STK3: variants seen among roughly 807,000 people sequenced by gnomAD.
STK3 encodes serine/threonine kinase 3, also known as serine/threonine-protein kinase 3.
STK3 carries 41 observed loss-of-function variants against 58.0 expected under a neutral mutation model. The ratio of observed to expected loss-of-function variants is 0.71; its 90% CI spans 0.55 to 0.92. STK3 has a LOEUF of 0.92. STK3 is among the 40% of genes least tolerant of loss of function. The pLI, the probability that STK3 is intolerant of heterozygous loss-of-function variation, is 0.00. For synonymous variants in STK3, 170 were observed against 191.0 expected, an observed-to-expected ratio of 0.89 and a Z score of 0.91; for missense variants, 479 against 602.7, an observed-to-expected ratio of 0.79 and a Z score of 2.15.
intron 10 of STK3, among the ~76,000 whole-genome samples, chr8:98,460,176 C>T (rs973552976): frequency 1.3e-5 from 2 of 152,222 alleles, no homozygotes; most frequent in African/African-American, 4.8e-5. Flanking sequence ...GGGAGCCCAC[C>T]TCTTGCATCA....
At chr8:98,854,511 A>G (rs1836597217) in intron 3 of STK3, among the ~76,000 whole-genome samples, 1 of 152,188 alleles carries the variant, frequency 6.6e-6, no homozygotes, top group Non-Finnish European at 1.5e-5. Flanking sequence ...AATTACAGTT[A>G]ACAAATGAAT....
intron 3 of STK3, among the ~76,000 whole-genome samples, chr8:98,408,721 C>T (rs1026816876): frequency 1.3e-5 from 2 of 152,242 alleles, no homozygotes; most frequent in Non-Finnish European, 2.9e-5. Context: ...TGGCTGGCAG[C>T]GCTCCTGCTG....
chr8:98,446,080 G>T (rs1362734478), intron 1 of STK3, among the ~76,000 whole-genome samples: 1 of 152,204 alleles, frequency 6.6e-6, no homozygotes, highest in East Asian at 1.9e-4. Flanking sequence ...GACACCGAAA[G>T]GTATGCTAGA....
intron 1 of STK3, among the ~76,000 whole-genome samples, chr8:98,917,864 A>T (rs1213261335): frequency 6.6e-5 from 10 of 152,134 alleles, no homozygotes; most frequent in Non-Finnish European, 1.2e-4. Flanking sequence ...GGGTGCCAAG[A>T]CTTCGAAGCC....
chr8:98,865,109 G>T (rs1405588587), intron 3 of STK3, among the ~76,000 whole-genome samples: 1 of 152,152 alleles, frequency 6.6e-6, no homozygotes, highest in Non-Finnish European at 1.5e-5. Flanking sequence ...TAGAAGAAGA[G>T]GCCAGGCGTG....
At chr8:98,786,649 G>A (rs575126695) in intron 1 of STK3, among the ~76,000 whole-genome samples, 2 of 152,114 alleles carry the variant, frequency 1.3e-5, no homozygotes, top group Non-Finnish European at 2.9e-5. Context: ...TATGTAAAGC[G>A]ATCAAACCTA....
chr8:98,504,333 C>T lies in STK3; in HGVS notation c.1317+22409G>A, dbSNP rs555858091. ...AATACAGCACATTGATGGGTCTTGA[C>T]GCTTTATCCAATTTGCTAGTCTGTG... is the stretch of plus-strand genomic sequence containing the variant. On this transcript the variant is annotated intron_variant, in intron 10 of 10. Transcript: ENST00000419617. 1.6e-3 allele frequency among the ~76,000 whole-genome samples: 238 copies of T among 152,254 alleles called. 1 individual carries two copies. Among genetic ancestry groups the T allele is most frequent in the African/African-American group, 2.5e-3 (105 of 41,530 alleles).
At chr8:98,645,102 G>A (rs1247672240) in intron 6 of STK3, among the ~76,000 whole-genome samples, 2 of 152,084 alleles carry the variant, frequency 1.3e-5, no homozygotes, top group African/African-American at 2.4e-5. Context: ...CAAAGATTTG[G>A]GAGTTCATAA....
intron 3 of STK3, among the ~76,000 whole-genome samples, chr8:98,752,074 C>T (rs764992849): frequency 9.2e-5 from 14 of 151,990 alleles, no homozygotes; most frequent in East Asian, 1.9e-4. Flanking sequence ...ATTTGAGATT[C>T]GGCACAGAAC....
chr8:98,751,805 T>G (rs1449669854), intron 3 of STK3, among the ~76,000 whole-genome samples: 1 of 152,070 alleles, frequency 6.6e-6, no homozygotes, highest in Admixed American at 6.5e-5. Context: ...CTGGGCATGG[T>G]GGCGCATGCC....
intron 10 of STK3, among the ~76,000 whole-genome samples, chr8:98,525,836 T>C (rs1825703309): frequency 6.6e-6 from 1 of 151,942 alleles, no homozygotes; most frequent in Non-Finnish European, 1.5e-5. Context: ...GCATTTAGAG[T>C]CATGTTGTCT....
chr8:98,750,610 T>C (rs569946934), intron 3 of STK3, among the ~76,000 whole-genome samples: 4 of 150,536 alleles, frequency 2.7e-5, no homozygotes, highest in African/African-American at 9.8e-5. Flanking sequence ...ATAAACAGCC[T>C]ACCATCCAAA....
At chr8:98,932,575 T>C (rs1840039299) in intron 1 of STK3, among the ~76,000 whole-genome samples, 1 of 152,218 alleles carries the variant, frequency 6.6e-6, no homozygotes, top group Non-Finnish European at 1.5e-5. Flanking sequence ...TAAAAGGGCT[T>C]TAAGGAAATT....
chr8:98,639,659 G>C (rs964504027), intron 6 of STK3, among the ~76,000 whole-genome samples: 1 of 152,144 alleles, frequency 6.6e-6, no homozygotes, highest in African/African-American at 2.4e-5. Context: ...AAAACCAAAG[G>C]CATATAGTAA....
At chr8:98,749,041 CTG>C (rs1239630472) in intron 4 of STK3, among the ~76,000 whole-genome samples, 3 of 151,930 alleles carry the variant, frequency 2.0e-5, no homozygotes, top group Admixed American at 6.6e-5. Context: ...GGTAGTTTCT[CTG>C]TGACACACCA....
rs532712869 is a variant in STK3 at position 98,799,095 on chromosome 8, T to A, written c.27-24276A>T. 3.3e-5 allele frequency among the ~76,000 whole-genome samples: 5 copies of A among 152,324 alleles called. No homozygotes were observed. In the East Asian group the frequency reaches 9.6e-4, roughly 29 times the overall value. On this transcript the variant is annotated intron_variant, in intron 1 of 10. Transcript: ENST00000419617. ...AAATTACCCAGTCTATGGCATTTTG[T>A]TACAGCAGCACAAACAGACTTAAGA...
chr8:98,865,513 T>C (rs534509290), intron 3 of STK3, among the ~76,000 whole-genome samples: 1 of 152,228 alleles, frequency 6.6e-6, no homozygotes, highest in South Asian at 2.1e-4. Context: ...ACTACAGGTG[T>C]TCACCACCAC....
intron 10 of STK3, among the ~76,000 whole-genome samples, chr8:98,500,554 G>A (rs901505768): frequency 4.0e-5 from 6 of 150,770 alleles, no homozygotes; most frequent in Non-Finnish European, 7.4e-5. Flanking sequence ...GATGTTCCCC[G>A]CCCTGTGTCC....
intron 1 of STK3, among the ~76,000 whole-genome samples, chr8:98,933,798 C>T (rs77007501): frequency 6.6e-6 from 1 of 152,156 alleles, no homozygotes; most frequent in Non-Finnish European, 1.5e-5. Flanking sequence ...TTCCTGCCAC[C>T]CTCCTTCCAT....
Sources: allele counts gnomAD v4.1 joint callset (sites outside exome capture counted in the v4.1 genomes callset), GRCh38; gene constraint gnomAD v4.1.1; transcripts MANE v1.5; gene names NCBI Gene and HGNC (gene_info 2026-07-23, HGNC 2026-07-21).